Variants in CDH12 observed in about 807,000 individuals in gnomAD.
The protein encoded by CDH12 is cadherin 12.
Under a neutral mutation model 74.1 loss-of-function variants are expected in CDH12, and 41 were observed. The ratio of observed to expected loss-of-function variants is 0.55; its 90% confidence interval spans 0.43 to 0.72. The LOEUF is 0.72. Among genes scored for constraint, CDH12 ranks in the 30% least tolerant of loss-of-function variants. CDH12 has a pLI of 0.00. For synonymous variants in CDH12, 399 were observed against 355.0 expected (o/e 1.12, Z -1.39); for missense variants, 945 against 977.2 (o/e 0.97, Z 0.44).
chr5:22,115,224 G>A (rs562469055), intron 4 of CDH12, among the ~76,000 whole-genome samples: 7 of 152,220 alleles, frequency 4.6e-5, no homozygotes, highest in East Asian at 1.9e-4. Flanking sequence ...ACTGTGGAGC[G>A]CTATGCATTT....
At position 22,254,605 on chromosome 5, in the gene CDH12, C is replaced by A. The variant is rs1580451444; in HGVS notation, c.-332-41962G>T. Among the ~76,000 whole-genome samples, 3 of 151,780 alleles carry A rather than the reference C, an allele frequency of 2.0e-5. No individual in the cohort carries two copies. The South Asian group carries it at 6.2e-4, about 31-fold the overall frequency. On this transcript the variant is annotated intron_variant, in intron 3 of 14. Transcript: ENST00000382254. Reference sequence around the variant, plus strand: ...GTGATGAAATCATCTGTTCAACAAACCCCAATGACAAAAGTTTACCTATGT... The same window carrying A: ...GTGATGAAATCATCTGTTCAACAAAACCCAATGACAAAAGTTTACCTATGT...
chr5:21,848,611 A>G (rs781423560), intron 7 of CDH12, among the ~76,000 whole-genome samples: 26 of 152,060 alleles, frequency 1.7e-4, no homozygotes, highest in Non-Finnish European at 2.8e-4. Flanking sequence ...TCATCATTGC[A>G]TTTGTATATG....
chr5:22,726,059 C>A (rs1001657452), intron 1 of CDH12, among the ~76,000 whole-genome samples: 10 of 151,668 alleles, frequency 6.6e-5, no homozygotes, highest in Non-Finnish European at 1.3e-4. Flanking sequence ...ACATCATTAT[C>A]AATCTGTAGT....
At chr5:22,258,286 G>C (rs529687245) in intron 3 of CDH12, among the ~76,000 whole-genome samples, 1 of 151,990 alleles carries the variant, frequency 6.6e-6, no homozygotes, top group Non-Finnish European at 1.5e-5. Flanking sequence ...TCTCAGGCCC[G>C]TGCCCATCCT....
At chr5:21,917,082 C>T (rs2150068686) in intron 6 of CDH12, among the ~76,000 whole-genome samples, 1 of 152,296 alleles carries the variant, frequency 6.6e-6, no homozygotes, top group South Asian at 2.1e-4. Flanking sequence ...TTTTCTGGTC[C>T]TCTCACCTTT....
intron 4 of CDH12, among the ~76,000 whole-genome samples, chr5:22,163,958 T>G (rs1190129646): frequency 6.6e-6 from 1 of 152,154 alleles, no homozygotes; most frequent in African/African-American, 2.4e-5. Flanking sequence ...AATTTCATAC[T>G]CATATAGTTA....
intron 1 of CDH12, among the ~76,000 whole-genome samples, chr5:22,743,273 T>TATACATATATATAC (rs138579102): frequency 2.1e-5 from 3 of 144,808 alleles, no homozygotes; most frequent in East Asian, 4.0e-4. Flanking sequence ...TATATATATA[T>TATACATATATATAC]ATATATATGT....
intron 2 of CDH12, among the ~76,000 whole-genome samples, chr5:22,445,765 A>G (rs1261058601): frequency 6.6e-6 from 1 of 152,028 alleles, no homozygotes; most frequent in Non-Finnish European, 1.5e-5. Flanking sequence ...CTGTGGGCAT[A>G]CTGCTGTTTG....
rs143269932 is a variant in CDH12, at chr5:22,089,564, T to C, written c.-186-10702A>G. 3.1e-3 allele frequency among the ~76,000 whole-genome samples: 478 copies of C among 152,288 alleles called. 2 individuals are homozygous for C. Among genetic ancestry groups the C allele is most frequent in the African/African-American group, 0.011 (463 of 41,574 alleles). On this transcript the variant is annotated intron_variant, in intron 4 of 14. Transcript: ENST00000382254. ...TTACTTTTTAAATGCCACATGGCAA[T>C]TACAGAGATGAAAAATAGAATAACA...
chr5:22,485,396 G>T (rs1261812803), intron 2 of CDH12, among the ~76,000 whole-genome samples: 2 of 152,254 alleles, frequency 1.3e-5, no homozygotes, highest in Admixed American at 6.5e-5. Context: ...TTGCTATGTT[G>T]CCCAAGCTGG....
At chr5:22,618,976 TC>T (rs1361145921) in intron 1 of CDH12, among the ~76,000 whole-genome samples, 1 of 152,092 alleles carries the variant, frequency 6.6e-6, no homozygotes, top group Non-Finnish European at 1.5e-5. Flanking sequence ...TTGTGAGACC[TC>T]CCCAGCCATG....
chr5:22,048,492 A>G (rs1202553172), intron 5 of CDH12, among the ~76,000 whole-genome samples: 1 of 152,206 alleles, frequency 6.6e-6, no homozygotes. Context: ...AAGTACAGGT[A>G]AAGATGCTAA....
In CDH12 at chr5:22,120,911, C is replaced by G. The variant is rs1745474517; in HGVS notation, c.-186-42049G>C. Among the ~76,000 whole-genome samples the G allele has an allele frequency of 2.0e-5, 3 of 151,862 alleles. No homozygotes were observed. The South Asian group carries it at 6.2e-4, about 32-fold the overall frequency. ...TCACAAGGTTACTTTTCTGGAGAAC[C>G]CAATAGAGACAACACAAGTAAAATC... is the stretch of plus-strand genomic sequence containing the variant. On this transcript the variant is annotated intron_variant, in intron 4 of 14. Coordinates refer to ENST00000382254, the MANE Select transcript of CDH12 (RefSeq NM_004061.5).
chr5:22,265,338 A>G (rs1753666967), intron 3 of CDH12, among the ~76,000 whole-genome samples: 1 of 152,218 alleles, frequency 6.6e-6, no homozygotes, highest in Non-Finnish European at 1.5e-5. Context: ...ATTAGTTTCA[A>G]TATCAGGAAC....
intron 6 of CDH12, among the ~76,000 whole-genome samples, chr5:21,931,800 T>G: frequency 6.6e-6 from 1 of 152,212 alleles, no homozygotes; most frequent in East Asian, 1.9e-4. Context: ...GTACTAAGAC[T>G]GGCCTTAAGA....
At chr5:22,374,967 A>G (rs1741458187) in intron 3 of CDH12, among the ~76,000 whole-genome samples, 1 of 152,128 alleles carries the variant, frequency 6.6e-6, no homozygotes, top group South Asian at 2.1e-4. Context: ...TAAAATTTGT[A>G]TAAAACTACA....
chr5:22,131,552 C>G (rs916465581), intron 4 of CDH12, among the ~76,000 whole-genome samples: 3 of 152,128 alleles, frequency 2.0e-5, no homozygotes, highest in Middle Eastern at 3.2e-3. Flanking sequence ...AATGGCTCCA[C>G]TCCTACTATT....
intron 4 of CDH12, among the ~76,000 whole-genome samples, chr5:22,154,431 T>C (rs1254813611): frequency 7.0e-6 from 1 of 142,966 alleles, no homozygotes; most frequent in Non-Finnish European, 1.5e-5. Flanking sequence ...TATACATATA[T>C]AGTGAATATA....
intron 3 of CDH12, among the ~76,000 whole-genome samples, chr5:22,246,978 T>C (rs1219070776): frequency 6.6e-6 from 1 of 152,190 alleles, no homozygotes; most frequent in Non-Finnish European, 1.5e-5. Flanking sequence ...ATAAAGTTAT[T>C]AAGCTCTATA....
Sources: allele counts gnomAD v4.1 joint callset (sites outside exome capture counted in the v4.1 genomes callset), GRCh38; gene constraint gnomAD v4.1.1; transcripts MANE v1.5; gene names NCBI Gene and HGNC (gene_info 2026-07-23, HGNC 2026-07-21).